Variants in MYBPC1 observed in about 807,000 individuals in gnomAD.
MYBPC1 encodes the protein myosin-binding protein C, slow-type.
A neutral mutation model predicts 147.1 loss-of-function variants in MYBPC1; 52 were observed. That is an observed-to-expected ratio of 0.35 (90% CI 0.28 to 0.45). MYBPC1 has a LOEUF of 0.45. Ranked by LOEUF, MYBPC1 falls within the 20% of genes least tolerant of loss-of-function variation. The pLI, the probability that MYBPC1 is intolerant of heterozygous loss-of-function variation, is 1.00. For synonymous variants in MYBPC1, 477 were observed against 475.9 expected (o/e 1.00, Z -0.03); for missense variants, 1,228 against 1,440.3 (o/e 0.85, Z 2.39).
At position 101,659,818 on chromosome 12, in the gene MYBPC1, G is replaced by A; in HGVS notation, c.1914G>A (p.Lys638=). 1 of 1,614,074 alleles carries A rather than the reference G, an allele frequency of 6.2e-7. No individual in the cohort carries two copies. The highest frequency in any genetic ancestry group is 8.5e-7 in the Non-Finnish European group (1 of 1,179,972). The part of the protein sequence containing the change: ...NEAGEAHASI[K]VKVVDFPDPP... ...CTGGAGAGGCACATGCAAGCATCAA[G>A]GTTAAAGTTGTGGGTAAGTCCTCCA... The change falls in exon 19 of 32, where the codon AAG becomes AAA. Residue 638 remains lysine, a synonymous_variant. Transcript: ENST00000361466.
At chr12:101,679,006 G>A (rs1900724077) in intron 28 of MYBPC1, among the ~76,000 whole-genome samples, 1 of 151,958 alleles carries the variant, frequency 6.6e-6, no homozygotes, top group Non-Finnish European at 1.5e-5. Flanking sequence ...AAAATTAGCT[G>A]GGCATGGTGG....
rs376660083 is a variant in MYBPC1, at chr12:101,677,146, G to A, written c.2950-89G>A. 1.6e-4 allele frequency: 209 copies of A among 1,306,140 alleles called. 3 individuals are homozygous for A. The South Asian group carries it at 2.6e-3, about 17-fold the overall frequency. The allele number at this position is 1,306,140 out of a possible 1,614,324, so 80.9% of individuals were successfully genotyped here. ...GTCTTTTTTTCTTTTTGTTAATAAA[G>A]CATCCTTGTTATTTATCCCAATCTA... On this transcript the variant is annotated intron_variant, in intron 26 of 31. Coordinates refer to ENST00000361466, the MANE Select transcript of MYBPC1 (RefSeq NM_002465.4).
chr12:101,652,321 A>G (rs1467319152), intron 16 of MYBPC1, among the ~76,000 whole-genome samples: 1 of 152,230 alleles, frequency 6.6e-6, no homozygotes, highest in East Asian at 1.9e-4. Context: ...GCCAAAATCA[A>G]GATTATTCTT....
At chr12:101,624,683 ATTTTTT>A (rs57175970) in intron 3 of MYBPC1, among the ~76,000 whole-genome samples, 3,232 of 99,096 alleles carry the variant, frequency 0.033, 228 homozygotes, top group East Asian at 0.32. Context: ...CGGCTAATTA[ATTTTTT>A]TTTTTTTTTT....
intron 24 of MYBPC1, 146 bp from the exon 25 acceptor site, chr12:101,673,281 C>G: frequency 1.3e-6 from 1 of 752,498 alleles, no homozygotes; most frequent in Admixed American, 2.2e-5. Flanking sequence ...AGCTTTGCTG[C>G]TGTAATTGCT....
intron 11 of MYBPC1, among the ~76,000 whole-genome samples, 191 bp downstream of exon 11, chr12:101,642,776 C>T (rs1892339591): frequency 6.6e-6 from 1 of 152,126 alleles, no homozygotes. Flanking sequence ...ATTCATGGTC[C>T]ACATACAACG....
chr12:101,606,758 G>T (rs968162483), intron 1 of MYBPC1, among the ~76,000 whole-genome samples: 3 of 152,108 alleles, frequency 2.0e-5, no homozygotes, highest in Non-Finnish European at 4.4e-5. Context: ...CTTCATCTCT[G>T]CTACATAAGC....
intron 27 of MYBPC1, 133 bp downstream of exon 27, chr12:101,677,527 TCAAGTAAAATTTTAATTTTA>T: frequency 7.2e-6 from 8 of 1,108,000 alleles, no homozygotes; most frequent in Non-Finnish European, 6.5e-6. Flanking sequence ...ATAATGGTGT[TCAAGTAAAATTTTAATTTTA>T]CAGGTAAAAT....
At chr12:101,671,325 A>ACACACT (rs1336395791) in intron 24 of MYBPC1, among the ~76,000 whole-genome samples, 9 of 97,764 alleles carry the variant, frequency 9.2e-5, no homozygotes, top group South Asian at 3.6e-4. Flanking sequence ...ACACACACAC[A>ACACACT]CACACACACA....
chr12:101,652,861 T>A, intron 17 of MYBPC1, 77 bp downstream of exon 17: 1 of 1,304,668 alleles, frequency 7.7e-7, no homozygotes. Flanking sequence ...TTATAATATA[T>A]TCAAAACTAA....
At chr12:101,602,828 G>A (rs75889577) in intron 1 of MYBPC1, among the ~76,000 whole-genome samples, 2,813 of 152,210 alleles carry the variant, frequency 0.018, 85 homozygotes, top group African/African-American at 0.065. Flanking sequence ...TCAAATAAAA[G>A]GTCTATACTC....
In MYBPC1 at chr12:101,642,591, C is replaced by G. The variant is rs543248822; in HGVS notation, c.832+6C>G. 6.2e-7 allele frequency: 1 copy of G among 1,607,404 alleles called. No individual in the cohort carries two copies. The highest frequency in any genetic ancestry group is 1.7e-5 in the Admixed American group (1 of 58,888). ...AGAGGAGAAGAAGAGCGCAGGTGAG[C>G]GCTCCCGGGGGCGAGGCAGCGGCCG... On this transcript the variant is annotated splice_donor_region_variant and intron_variant, in intron 11 of 31. Transcript: ENST00000361466.
At chr12:101,615,657 C>A in intron 2 of MYBPC1, among the ~76,000 whole-genome samples, 2 of 54,392 alleles carry the variant, frequency 3.7e-5, no homozygotes, top group East Asian at 1.3e-3. Context: ...TTATAAGAAC[C>A]CCCCGCCCCC....
intron 18 of MYBPC1, among the ~76,000 whole-genome samples, chr12:101,655,182 T>C (rs1895326354): frequency 6.6e-6 from 1 of 152,034 alleles, no homozygotes; most frequent in South Asian, 2.1e-4. Flanking sequence ...AAAAGTTAGG[T>C]GGAGAAATGT....
At chr12:101,667,661 G>C (rs995091403) in intron 22 of MYBPC1, 71 bp from the exon 23 acceptor site, 1 of 1,559,096 alleles carries the variant, frequency 6.4e-7, no homozygotes, top group African/African-American at 1.4e-5. Context: ...GGAGTTGACT[G>C]TAATGGTTAA....
downstream of MYBPC1, chr12:101,686,037 G>A (rs554666474): frequency 6.4e-6 from 1 of 156,978 alleles, no homozygotes; most frequent in East Asian, 1.9e-4. Context: ...CACCACGACT[G>A]GATCTTGAAA....
Position 101,667,857 on chromosome 12 carries a change from C to T in MYBPC1, c.2482C>T (p.Pro828Ser). Residue 828 changes from proline to serine, a missense_variant, in exon 23 of 32, where the codon CCC becomes TCC. Physicochemically the swap from Pro to Ser is moderately conservative, Grantham distance 74 (BLOSUM62 -1). This residue lies in a region of MYBPC1 where 1,077 missense variants were observed against 1,314.2 expected (regional missense o/e 0.82). Transcript: ENST00000361466. ...TGTTAATGCAGCTGGTGCCAGCGAG[C>T]CCAAGTACTATTCTCAGCCCATTCT... ...KAVNAAGASE[P>S]KYYSQPILVK... The T allele has an allele frequency of 6.2e-7, 1 of 1,614,110 alleles. No individual in the cohort carries two copies. Among genetic ancestry groups the T allele is most frequent in the Non-Finnish European group, 8.5e-7 (1 of 1,180,008 alleles).
At chr12:101,600,354 T>A (rs1466706648) in intron 1 of MYBPC1, 2 of 152,182 alleles carry the variant, frequency 1.3e-5, no homozygotes, top group African/African-American at 2.4e-5. Context: ...GTTTCCTTTT[T>A]AACAGCAATT....
At chr12:101,617,357 T>C in intron 3 of MYBPC1, 114 bp downstream of exon 3, 1 of 1,120,436 alleles carries the variant, frequency 8.9e-7, no homozygotes, top group South Asian at 1.3e-5. Context: ...TCTTTCGTTC[T>C]GCCTTTGCAT....
Sources: allele counts gnomAD v4.1 joint callset (sites outside exome capture counted in the v4.1 genomes callset), GRCh38; gene constraint gnomAD v4.1.1; regional missense constraint gnomAD v4.1.1; transcripts MANE v1.5; gene names NCBI Gene and HGNC (gene_info 2026-07-23, HGNC 2026-07-21).